Variants in TBCD observed in about 807,000 individuals in gnomAD.
TBCD encodes the protein tubulin folding cofactor D.
In TBCD, 105 loss-of-function variants were observed where a neutral mutation model predicts 169.3. The ratio of observed to expected loss-of-function variants is 0.62; its 90% CI spans 0.53 to 0.73. The LOEUF is 0.73. Among genes scored for constraint, TBCD ranks in the 30% least tolerant of loss-of-function variants. The pLI is 0.00. For synonymous variants in TBCD, 700 were observed against 643.9 expected, an observed-to-expected ratio of 1.09 and a Z score of -1.32; for missense variants, 1,444 against 1,600.1, an observed-to-expected ratio of 0.90 and a Z score of 1.66.
intron 17 of TBCD, among the ~76,000 whole-genome samples, chr17:82,896,921 G>GC (rs1291542341): frequency 7.2e-5 from 11 of 152,068 alleles, no homozygotes; most frequent in Admixed American, 6.5e-5. Flanking sequence ...CCGTGCTGGT[G>GC]CTGGGGTGTT....
chr17:82,931,012 G>A (rs944552629), intron 33 of TBCD, among the ~76,000 whole-genome samples: 2 of 152,208 alleles, frequency 1.3e-5, no homozygotes, highest in Admixed American at 6.5e-5. Context: ...TCAGCCACCC[G>A]GCAAGTGAGA....
At chr17:82,823,346 G>GT (rs1485958099) in intron 13 of TBCD, among the ~76,000 whole-genome samples, 13 of 152,218 alleles carry the variant, frequency 8.5e-5, no homozygotes, top group African/African-American at 3.1e-4. Flanking sequence ...CCAGTGTCCA[G>GT]TTCCCCGCCT....
chr17:82,770,261 G>C (rs2048236137), intron 5 of TBCD, among the ~76,000 whole-genome samples: 1 of 152,226 alleles, frequency 6.6e-6, no homozygotes. Context: ...AATTCTCTCT[G>C]ATAGATGGAT....
chr17:82,799,241 G>A (rs1466924714), intron 8 of TBCD, among the ~76,000 whole-genome samples: 2 of 151,770 alleles, frequency 1.3e-5, no homozygotes, highest in East Asian at 1.9e-4. Context: ...TCAGGAGATC[G>A]AGACCAGCCT....
At chr17:82,867,220 G>A (rs1344477989) in intron 13 of TBCD, among the ~76,000 whole-genome samples, 1 of 152,224 alleles carries the variant, frequency 6.6e-6, no homozygotes, top group African/African-American at 2.4e-5. Flanking sequence ...TTCTCACAGG[G>A]CTGCCAAGCA....
chr17:82,807,517 A>G, intron 10 of TBCD, 91 bp from the exon 11 acceptor site: 1 of 852,416 alleles, frequency 1.2e-6, no homozygotes, highest in South Asian at 3.3e-5. Context: ...CGGCGTGTGC[A>G]CTGAGTAGCG....
intron 12 of TBCD, 31 bp from the exon 13 acceptor site, chr17:82,814,809 G>C: frequency 1.2e-6 from 2 of 1,610,360 alleles, no homozygotes; most frequent in Non-Finnish European, 1.7e-6. Context: ...TGACACGTGG[G>C]CTGTGGTCTC....
chr17:82,883,330 A>C (rs1030250949), intron 14 of TBCD, among the ~76,000 whole-genome samples: 9 of 152,244 alleles, frequency 5.9e-5, no homozygotes, highest in Non-Finnish European at 1.2e-4. Context: ...GCAATCTCTC[A>C]AGCCTTCCTT....
At chr17:82,842,458 T>A (rs967272917) in intron 13 of TBCD, among the ~76,000 whole-genome samples, 1 of 152,206 alleles carries the variant, frequency 6.6e-6, no homozygotes, top group Non-Finnish European at 1.5e-5. Flanking sequence ...GATGGGAATT[T>A]GCCTCTCTTT....
chr17:82,826,526 C>G (rs2052865753), intron 13 of TBCD, among the ~76,000 whole-genome samples: 1 of 151,934 alleles, frequency 6.6e-6, no homozygotes, highest in South Asian at 2.1e-4. Flanking sequence ...AGCAATCCTC[C>G]TGCCTCAGCC....
At chr17:82,755,412 C>T (rs1428492135) in intron 1 of TBCD, among the ~76,000 whole-genome samples, 1 of 152,218 alleles carries the variant, frequency 6.6e-6, no homozygotes, top group African/African-American at 2.4e-5. Context: ...CAAGAGACAA[C>T]TTAGCAGAAC....
chr17:82,867,527 C>T (rs1055597418), intron 13 of TBCD, among the ~76,000 whole-genome samples: 2 of 152,192 alleles, frequency 1.3e-5, no homozygotes, highest in African/African-American at 2.4e-5. Flanking sequence ...GTGTTGGCCA[C>T]GAACAGGCTG....
intron 9 of TBCD, among the ~76,000 whole-genome samples, chr17:82,805,323 T>A (rs3791169): frequency 2.0e-5 from 3 of 152,180 alleles, no homozygotes; most frequent in African/African-American, 7.2e-5. Flanking sequence ...GTCTGTGCCA[T>A]GGGCCCCTTC....
At chr17:82,865,420 G>C in intron 13 of TBCD, 1 of 970,918 alleles carries the variant, frequency 1.0e-6, no homozygotes, top group Non-Finnish European at 1.2e-6. Context: ...GTGCTCTGCA[G>C]GGGCCTGAGC....
chr17:82,799,441 C>CAAGAAAA (rs2050337335), intron 8 of TBCD, among the ~76,000 whole-genome samples: 2 of 72,620 alleles, frequency 2.8e-5, no homozygotes, highest in African/African-American at 5.2e-5. Context: ...GACTCTGTCT[C>CAAGAAAA]AAAAAAAAAA....
chr17:82,906,064 TGGGTCTCG>T lies in TBCD; in HGVS notation c.1922+12_1922+19del. ...AGCCCAAGAGAACAGGTAGGAAGAG[TGGGTCTCG>T]AGGAGACACAGGGCTCTGTCCCTGA... On this transcript the variant is annotated intron_variant, in intron 20 of 38. Transcript: ENST00000355528. The T allele has an allele frequency of 6.3e-7, 1 of 1,588,400 alleles. No homozygotes were observed. Among genetic ancestry groups the T allele is most frequent in the South Asian group, 1.1e-5 (1 of 87,658 alleles).
intron 16 of TBCD, among the ~76,000 whole-genome samples, chr17:82,891,111 C>A (rs547718642): frequency 2.0e-5 from 3 of 152,222 alleles, no homozygotes; most frequent in Non-Finnish European, 4.4e-5. Flanking sequence ...CTCTGTGTTC[C>A]GGGTTCCCAG....
Position 82,920,038 on chromosome 17 carries a change from G to A in TBCD, c.2039-518G>A, listed in dbSNP as rs180954390. On this transcript the variant is annotated intron_variant, in intron 23 of 38. Coordinates refer to ENST00000355528, the MANE Select transcript of TBCD (RefSeq NM_005993.5). This position sits in a 1 kb window ranked among gnomAD's most constrained non-coding sequence, Gnocchi z 4.1. ...TGGGAGCTGCTGATGCTGTCCAGTC[G>A]TCTCTGTCTCGTGCGTCCTGGCCCC... 1.6e-3 allele frequency among the ~76,000 whole-genome samples: 241 copies of A among 152,346 alleles called. 1 individual carries two copies. Among genetic ancestry groups the A allele is most frequent in the African/African-American group, 5.6e-3 (231 of 41,586 alleles).
At chr17:82,904,568 G>GT (rs2060108867) in intron 19 of TBCD, among the ~76,000 whole-genome samples, 1 of 152,158 alleles carries the variant, frequency 6.6e-6, no homozygotes, top group South Asian at 2.1e-4. Flanking sequence ...GTTCTGTCTT[G>GT]TTTTTTTCTA....
Sources: allele counts gnomAD v4.1 joint callset (sites outside exome capture counted in the v4.1 genomes callset), GRCh38; gene constraint gnomAD v4.1.1; non-coding constraint Gnocchi (gnomAD v3.1); transcripts MANE v1.5; gene names NCBI Gene and HGNC (gene_info 2026-07-23, HGNC 2026-07-21).